DZIP3: variants seen among roughly 807,000 people sequenced by gnomAD.
The protein encoded by DZIP3 is DAZ interacting zinc finger protein 3.
Under a neutral mutation model 162.0 loss-of-function variants are expected in DZIP3, and 118 were observed. The observed-to-expected ratio is 0.73, with a 90% CI of 0.63 to 0.85. The LOEUF is 0.85. Among genes scored for constraint, DZIP3 ranks in the 40% least tolerant of loss-of-function variants. The pLI is 0.00. For synonymous variants in DZIP3, 438 were observed against 458.6 expected, an observed-to-expected ratio of 0.96 and a Z score of 0.57; for missense variants, 1,331 against 1,407.0, an observed-to-expected ratio of 0.95 and a Z score of 0.86.
chr3:108,641,088 A>G (rs2107633366), intron 12 of DZIP3, among the ~76,000 whole-genome samples: 1 of 151,286 alleles, frequency 6.6e-6, no homozygotes, highest in South Asian at 2.1e-4. Flanking sequence ...ACCCTTTTTT[A>G]GTGGTTGCTT....
At chr3:108,616,488 T>C (rs1941021299) in intron 4 of DZIP3, 53 bp from the exon 5 acceptor site, 2 of 1,172,764 alleles carry the variant, frequency 1.7e-6, no homozygotes, top group Non-Finnish European at 2.5e-6. Context: ...TGTAAACATA[T>C]GTAGATGTTT....
In DZIP3 at chr3:108,634,947, T is replaced by G; in HGVS notation, c.893T>G (p.Leu298Ter). The G allele has an allele frequency of 6.2e-7, 1 of 1,607,362 alleles. No homozygotes were observed. Residue 298 changes from leucine to a stop codon, truncating the protein, a stop_gained, in exon 10 of 33, where the codon TTA (leucine) becomes TGA (stop). Coordinates refer to ENST00000361582, the MANE Select transcript of DZIP3 (RefSeq NM_014648.4). LOFTEE classifies it high-confidence loss of function. ...ATTTGCTGGAAAAAGTTCAAGAATT[T>G]AAAGTATCCAGGTGAAAATGATCAG... is the stretch of plus-strand genomic sequence containing the variant. ...HKICWKKFKNLKYPGENDQSF... is the reference protein window; with the variant it reads ...HKICWKKFKN
intron 3 of DZIP3, among the ~76,000 whole-genome samples, chr3:108,609,805 C>T (rs1314856906): frequency 6.6e-6 from 1 of 152,158 alleles, no homozygotes; most frequent in East Asian, 1.9e-4. Flanking sequence ...CATGCCACTG[C>T]ACTCCAGCCT....
At chr3:108,599,197 G>T (rs1939863149) in intron 1 of DZIP3, among the ~76,000 whole-genome samples, 1 of 152,150 alleles carries the variant, frequency 6.6e-6, no homozygotes, top group Non-Finnish European at 1.5e-5. Flanking sequence ...TTTGCAAAGT[G>T]GCAAGAGCTA....
chr3:108,649,195 T>TATA (rs2107659632), intron 17 of DZIP3, among the ~76,000 whole-genome samples: 1 of 152,028 alleles, frequency 6.6e-6, no homozygotes, highest in East Asian at 1.9e-4. Context: ...TATTTGCATA[T>TATA]ATAAATATAG....
intron 12 of DZIP3, among the ~76,000 whole-genome samples, chr3:108,639,345 G>A (rs1942288942): frequency 6.6e-6 from 1 of 152,168 alleles, no homozygotes; most frequent in Non-Finnish European, 1.5e-5. Flanking sequence ...ATTCCCCAAT[G>A]GGCAATGTTA....
chr3:108,622,830 A>G (rs1384740063), intron 5 of DZIP3, among the ~76,000 whole-genome samples: 1 of 68,664 alleles, frequency 1.5e-5, no homozygotes, highest in Non-Finnish European at 3.1e-5. Context: ...ACCCCAAACA[A>G]ACAGAGTCTC....
intron 12 of DZIP3, among the ~76,000 whole-genome samples, chr3:108,638,408 C>T (rs932210731): frequency 3.3e-5 from 5 of 152,182 alleles, no homozygotes; most frequent in Admixed American, 2.0e-4. Flanking sequence ...CTCTGCCTCC[C>T]GGGTTCACAC....
intron 6 of DZIP3, among the ~76,000 whole-genome samples, chr3:108,624,744 A>G (rs1327938954): frequency 6.6e-6 from 1 of 152,118 alleles, no homozygotes; most frequent in African/African-American, 2.4e-5. Context: ...ATTTTCTAGT[A>G]TAGCTTAATC....
intron 10 of DZIP3, 70 bp from the exon 11 acceptor site, chr3:108,636,546 T>C (rs1942154305): frequency 9.7e-7 from 1 of 1,026,610 alleles, no homozygotes; most frequent in Non-Finnish European, 1.4e-6. Flanking sequence ...ACTACATTTA[T>C]TTAAATATAA....
At chr3:108,641,226 CAT>C (rs1491249389) in intron 12 of DZIP3, among the ~76,000 whole-genome samples, 1 of 151,962 alleles carries the variant, frequency 6.6e-6, no homozygotes, top group African/African-American at 2.4e-5. Context: ...CTATTGTTTT[CAT>C]ATGTTTTACT....
intron 12 of DZIP3, among the ~76,000 whole-genome samples, chr3:108,641,624 C>T (rs1942404694): frequency 6.6e-6 from 1 of 152,142 alleles, no homozygotes. Flanking sequence ...AATTGTTTTC[C>T]AGAGTGGTTT....
chr3:108,593,840 T>A (rs1018698460), intron 1 of DZIP3, among the ~76,000 whole-genome samples: 1 of 152,006 alleles, frequency 6.6e-6, no homozygotes, highest in African/African-American at 2.4e-5. Flanking sequence ...AATTTTTCTA[T>A]TTTTTGTAGA....
upstream of DZIP3, chr3:108,589,594 G>T (rs1576326592): frequency 2.4e-6 from 1 of 424,532 alleles, no homozygotes; most frequent in Admixed American, 4.2e-5. Flanking sequence ...CAGGACGGGG[G>T]TTGGGAGCTG....
In DZIP3 at chr3:108,616,406, A is replaced by T. The variant is rs75560717; in HGVS notation, c.259-135A>T. 3 of 440,740 alleles carry T rather than the reference A, an allele frequency of 6.8e-6. No individual in the cohort carries two copies. In the South Asian group the frequency reaches 1.3e-4, roughly 19 times the overall value. 27.3% of individuals were successfully genotyped at this position (440,740 alleles called of 1,614,324 possible). A position where few individuals can be genotyped will look rare whatever the true frequency, so the allele number is the denominator to read the frequency against. On this transcript the variant is annotated intron_variant, in intron 4 of 32. Coordinates refer to ENST00000361582, the MANE Select transcript of DZIP3 (RefSeq NM_014648.4). ...AGAACAGTGTATCTGGTTGGTATGG[A>T]TTTTTTTTTTTTAAACCGTCTTTAT... is the stretch of plus-strand genomic sequence containing the variant.
intron 12 of DZIP3, among the ~76,000 whole-genome samples, chr3:108,638,143 C>A (rs547337671): frequency 6.6e-6 from 1 of 152,270 alleles, no homozygotes; most frequent in South Asian, 2.1e-4. Context: ...ATCTTTATAT[C>A]TAGCACAAAT....
intron 3 of DZIP3, among the ~76,000 whole-genome samples, chr3:108,610,101 C>T (rs1265521338): frequency 6.6e-6 from 1 of 152,020 alleles, no homozygotes; most frequent in East Asian, 1.9e-4. Context: ...AATAGTAGTA[C>T]AATGAACATC....
In DZIP3 at chr3:108,661,945, G is replaced by C. The variant is rs201346877; in HGVS notation, c.2268G>C (p.Gln756His). The change falls in exon 20 of 33, where the codon CAG becomes CAC. Residue 756 changes from glutamine to histidine, a missense_variant. Coordinates refer to ENST00000361582, the MANE Select transcript of DZIP3 (RefSeq NM_014648.4). ...AGGAAAGGCTTGCTCGTCAAAGGCAGCTTTATAAATTGCACTATCAGTGTG... is the reference window on the plus strand; with the variant it reads ...AGGAAAGGCTTGCTCGTCAAAGGCACCTTTATAAATTGCACTATCAGTGTG... ...TEKERLARQR[Q>H]LYKLHYQCED... 39 of 1,613,920 alleles carry C rather than the reference G, an allele frequency of 2.4e-5. No homozygotes were observed. The highest frequency in any genetic ancestry group is 3.2e-5 in the Non-Finnish European group (38 of 1,179,896).
intron 1 of DZIP3, among the ~76,000 whole-genome samples, chr3:108,595,179 T>C (rs1939643738): frequency 6.6e-6 from 1 of 152,160 alleles, no homozygotes; most frequent in African/African-American, 2.4e-5. Flanking sequence ...TCTTCAAAGA[T>C]TAGCATAAAA....
Sources: allele counts gnomAD v4.1 joint callset (sites outside exome capture counted in the v4.1 genomes callset), GRCh38; gene constraint gnomAD v4.1.1; transcripts MANE v1.5; gene names NCBI Gene and HGNC (gene_info 2026-07-23, HGNC 2026-07-21).